NLRP1: variants seen among roughly 807,000 people sequenced by gnomAD.
The protein encoded by NLRP1 is NACHT, LRR and PYD domains-containing protein 1.
NLRP1 carries 94 observed loss-of-function variants against 136.7 expected under a neutral mutation model. The observed-to-expected ratio is 0.69, with a 90% CI of 0.58 to 0.82. The LOEUF (loss-of-function observed/expected upper bound fraction) is 0.82, where lower values mean the gene tolerates loss of function less well. Ranked by LOEUF, NLRP1 falls within the 40% of genes least tolerant of loss-of-function variation. NLRP1 has a pLI of 0.00. For synonymous variants in NLRP1, 690 were observed against 725.1 expected (o/e 0.95, Z 0.78); for missense variants, 1,575 against 1,802.7 (o/e 0.87, Z 2.29).
chr17:5,501,746 A>T, exon 16 of NLRP1: 2 of 1,321,426 alleles, frequency 1.5e-6, no homozygotes, highest in South Asian at 1.2e-5. Context: ...CCTGCGGTCT[A>T]CTCAGGCCTC....
At chr17:5,576,020 T>A (rs1177385173) in intron 3 of NLRP1, among the ~76,000 whole-genome samples, 1 of 152,156 alleles carries the variant, frequency 6.6e-6, no homozygotes, top group African/African-American at 2.4e-5. Context: ...TGCTCCTGAA[T>A]GACTACTGGG....
rs963056786 is a variant in NLRP1 at position 5,501,992 on chromosome 17, T to G, written c.4070-120A>C. 12 of 865,278 alleles carry G rather than the reference T, an allele frequency of 1.4e-5. No individual in the cohort carries two copies. In the Admixed American group the frequency reaches 2.4e-4, roughly 17 times the overall value. 53.6% of individuals were successfully genotyped at this position (865,278 alleles called of 1,614,324 possible). A position where few individuals can be genotyped will look rare whatever the true frequency, so the allele number is the denominator to read the frequency against. On this transcript the variant is annotated intron_variant, in intron 15 of 15. Transcript: ENST00000262467. ...CTCAAACTGCCATCAGAGAACTCCC[T>G]GCCTCCTGCAAGTGAAAGGCCCCGG...
rs202117967 is a variant in NLRP1, at chr17:5,515,072, G to A, written c.4104C>T (p.Ala1368=). The A allele has an allele frequency of 1.1e-5, 17 of 1,613,022 alleles. No homozygotes were observed. The highest frequency in any genetic ancestry group is 6.6e-5 in the South Asian group (6 of 91,064). The part of the protein sequence containing the change: ...ATTLIPPARI[A]VPSPLDAPQL... ...GCGGGGCATCCAGAGGTGAAGGTAC[G>A]GCTGGCAACGAACAAAGAAGGGCTC... Residue 1368 remains alanine, a splice_region_variant and synonymous_variant, in exon 17 of 17, where the codon GCC becomes GCT. Transcript: ENST00000572272.
intron 3 of NLRP1, among the ~76,000 whole-genome samples, chr17:5,564,862 C>T (rs1050846457): frequency 1.3e-5 from 2 of 151,562 alleles, no homozygotes; most frequent in Non-Finnish European, 2.9e-5. Context: ...CTCAGCCTCC[C>T]GAGTAGCTGG....
chr17:5,528,678 C>A (rs1909856581), intron 12 of NLRP1, among the ~76,000 whole-genome samples: 1 of 152,140 alleles, frequency 6.6e-6, no homozygotes, highest in Admixed American at 6.5e-5. Flanking sequence ...TATATATATG[C>A]CTTGATTACC....
At chr17:5,540,340 G>C (rs1911711835) in intron 6 of NLRP1, among the ~76,000 whole-genome samples, 1 of 152,186 alleles carries the variant, frequency 6.6e-6, no homozygotes, top group South Asian at 2.1e-4. Context: ...TGCCAGAAAA[G>C]GGCTATGTAC....
intron 15 of NLRP1, among the ~76,000 whole-genome samples, chr17:5,516,402 T>C (rs1205440443): frequency 6.6e-6 from 1 of 152,190 alleles, no homozygotes; most frequent in Admixed American, 6.5e-5. Flanking sequence ...GATGTCTAAC[T>C]TGCATAACAA....
chr17:5,507,321 TAATTA>T (rs1393847766), intron 15 of NLRP1, among the ~76,000 whole-genome samples: 6 of 152,160 alleles, frequency 3.9e-5, no homozygotes, highest in Non-Finnish European at 5.9e-5. Context: ...TAAATTAAAT[TAATTA>T]AATTAAATTA....
chr17:5,501,578 TTC>T (rs558108175), exon 16 of NLRP1: 54 of 423,426 alleles, frequency 1.3e-4, no homozygotes, highest in South Asian at 1.1e-3. Context: ...TTCCTTTTTT[TTC>T]TCTGTCTCTC....
chr17:5,531,881 G>C (rs1240026204), intron 11 of NLRP1, among the ~76,000 whole-genome samples: 2 of 152,192 alleles, frequency 1.3e-5, no homozygotes, highest in Non-Finnish European at 2.9e-5. Context: ...GATTAAGAGA[G>C]TTAAGTGAGA....
At chr17:5,528,579 T>C (rs1269669203) in intron 12 of NLRP1, among the ~76,000 whole-genome samples, 1 of 152,228 alleles carries the variant, frequency 6.6e-6, no homozygotes, top group Non-Finnish European at 1.5e-5. Flanking sequence ...CAAACAAGAC[T>C]TTCCTGGTTC....
downstream of NLRP1, among the ~76,000 whole-genome samples, chr17:5,509,713 C>T (rs565715654): frequency 3.9e-5 from 6 of 152,290 alleles, no homozygotes; most frequent in African/African-American, 1.4e-4. Context: ...CTATGTTGGC[C>T]AGGCCGGTCT....
chr17:5,556,113 TCTACAC>T, intron 4 of NLRP1, among the ~76,000 whole-genome samples: 1 of 124,144 alleles, frequency 8.1e-6, no homozygotes, highest in East Asian at 2.7e-4. Context: ...TGTCTCTCTC[TCTACAC>T]ACACACACAC....
chr17:5,535,748 C>T (rs1002428156), intron 8 of NLRP1, among the ~76,000 whole-genome samples: 37 of 152,338 alleles, frequency 2.4e-4, no homozygotes, highest in Admixed American at 2.2e-3. Flanking sequence ...AGCTGTTTTC[C>T]TTCCATTTCA....
intron 15 of NLRP1, among the ~76,000 whole-genome samples, chr17:5,508,111 G>C (rs1353799627): frequency 3.3e-5 from 5 of 151,098 alleles, no homozygotes; most frequent in Middle Eastern, 3.2e-3. Context: ...TCCAGCCTGG[G>C]GGACAGAGCG....
At chr17:5,543,065 G>A (rs1018424250) in intron 5 of NLRP1, among the ~76,000 whole-genome samples, 2 of 152,134 alleles carry the variant, frequency 1.3e-5, no homozygotes, top group Non-Finnish European at 1.5e-5. Flanking sequence ...CCTGACCTCA[G>A]GTGATCCACC....
At chr17:5,508,640 T>C (rs1213593703) in intron 15 of NLRP1, among the ~76,000 whole-genome samples, 4 of 152,160 alleles carry the variant, frequency 2.6e-5, no homozygotes, top group Non-Finnish European at 4.4e-5. Flanking sequence ...AAGAGGAGAA[T>C]AGTTAAGTAA....
intron 4 of NLRP1, 67 bp downstream of exon 4, chr17:5,558,272 G>C: frequency 6.6e-7 from 1 of 1,508,786 alleles, no homozygotes; most frequent in Non-Finnish European, 8.9e-7. Flanking sequence ...CATGCCTCTG[G>C]TGCTCAGGTC....
intron 3 of NLRP1, among the ~76,000 whole-genome samples, chr17:5,564,734 G>GTTTTTTTTT (rs59428190): frequency 4.1e-5 from 4 of 97,818 alleles, no homozygotes; most frequent in African/African-American, 1.7e-4. Context: ...AATTTTTAGT[G>GTTTTTTTTT]TTTTTTTTTT....
Sources: gnomAD v4.1 joint callset for allele counts (sites outside exome capture counted in the v4.1 genomes callset) on GRCh38, gnomAD v4.1.1 for gene constraint, MANE v1.5 for transcripts, NCBI Gene and HGNC (gene_info 2026-07-23, HGNC 2026-07-21) for gene names.